Variants in COL21A1 observed in about 807,000 individuals in gnomAD.
COL21A1 encodes collagen alpha-1(XXI) chain.
COL21A1 carries 149 observed loss-of-function variants against 137.9 expected under a neutral mutation model. That is an observed-to-expected ratio of 1.08 (90% confidence interval 0.95 to 1.24). The LOEUF is 1.24. Ranked by LOEUF, COL21A1 falls within the 50% of genes most tolerant of loss-of-function variation. The pLI is 0.00. For missense variants in COL21A1, 1,167 were observed against 1,158.4 expected, an observed-to-expected ratio of 1.01 and a Z score of -0.11; for synonymous variants, 456 against 391.5, an observed-to-expected ratio of 1.16 and a Z score of -1.95.
chr6:56,065,736 A>G lies in COL21A1; in HGVS notation c.2128-1114T>C, dbSNP rs151264035. On this transcript the variant is annotated intron_variant, in intron 23 of 29. Transcript: ENST00000244728. The stretch of plus-strand genomic sequence containing the variant: ...TTGGATAAGAATGGGTGGAGTGGCA[A>G]GAGATAACACTAAAAAAGATTCAGT... Among the ~76,000 whole-genome samples, 4 of 152,082 alleles carry G rather than the reference A, an allele frequency of 2.6e-5. No individual in the cohort carries two copies. The East Asian group carries it at 7.8e-4, about 30-fold the overall frequency.
At chr6:56,282,385 A>G (rs1488845771) in intron 1 of COL21A1, among the ~76,000 whole-genome samples, 2 of 152,234 alleles carry the variant, frequency 1.3e-5, no homozygotes, top group East Asian at 3.8e-4. Context: ...ATAATAACAA[A>G]AAATAATTTT....
At chr6:56,113,478 C>T (rs1326942824) in intron 16 of COL21A1, among the ~76,000 whole-genome samples, 3 of 152,186 alleles carry the variant, frequency 2.0e-5, no homozygotes, top group African/African-American at 7.2e-5. Context: ...AGTAAACCCA[C>T]TGCCTTGAAG....
In COL21A1 at chr6:56,308,001, C is replaced by A. The variant is rs78608351; in HGVS notation, c.-39+85970G>T. Among the ~76,000 whole-genome samples the A allele has an allele frequency of 3.1e-3, 473 of 152,280 alleles. 4 individuals carry two copies. Among genetic ancestry groups the A allele is most frequent in the African/African-American group, 0.011 (442 of 41,550 alleles). On this transcript the variant is annotated intron_variant, in intron 1 of 28. Coordinates refer to the COL21A1 transcript ENST00000370819. ...ATAAATACAATGAGATGCTGTTAAT[C>A]CTTTAAAAAGAAGGAAATTCTGCAA...
chr6:56,117,553 A>T (rs1038613104), intron 16 of COL21A1, among the ~76,000 whole-genome samples: 1 of 152,064 alleles, frequency 6.6e-6, no homozygotes, highest in Non-Finnish European at 1.5e-5. Context: ...ACAAAGAAAC[A>T]TTAGACTTAA....
At chr6:56,383,869 G>C (rs891290312) in intron 1 of COL21A1, among the ~76,000 whole-genome samples, 3 of 152,192 alleles carry the variant, frequency 2.0e-5, no homozygotes, top group Non-Finnish European at 1.5e-5. Flanking sequence ...AGATATTTGA[G>C]GGTGAGGGAT....
intron 1 of COL21A1, among the ~76,000 whole-genome samples, chr6:56,257,172 C>T (rs185647181): frequency 2.6e-5 from 4 of 152,144 alleles, no homozygotes; most frequent in Admixed American, 1.3e-4. Flanking sequence ...TCTTATTCCC[C>T]CAGAAAATTC....
intron 1 of COL21A1, among the ~76,000 whole-genome samples, chr6:56,245,957 G>A (rs992151700): frequency 6.6e-6 from 1 of 152,212 alleles, no homozygotes; most frequent in Non-Finnish European, 1.5e-5. Context: ...TGGGATTGGA[G>A]TCATGCCTAT....
chr6:56,304,224 T>G (rs1224780197), intron 1 of COL21A1, among the ~76,000 whole-genome samples: 3 of 152,168 alleles, frequency 2.0e-5, no homozygotes, highest in South Asian at 2.1e-4. Context: ...CCAGCTTTGG[T>G]ATCAGGATGA....
At chr6:56,061,802 A>C in intron 24 of COL21A1, 121 bp from the exon 25 acceptor site, 1 of 606,352 alleles carries the variant, frequency 1.6e-6, no homozygotes, top group South Asian at 3.2e-5. Context: ...TATTGATAGC[A>C]TTAGTGACAG....
At chr6:56,197,374 T>C (rs1779090917) in intron 1 of COL21A1, among the ~76,000 whole-genome samples, 1 of 152,086 alleles carries the variant, frequency 6.6e-6, no homozygotes, top group African/African-American at 2.4e-5. Flanking sequence ...TACATCAAAC[T>C]AATAAGTTTA....
intron 17 of COL21A1, among the ~76,000 whole-genome samples, chr6:56,098,392 A>G (rs560849221): frequency 4.5e-4 from 4 of 8,798 alleles, no homozygotes; most frequent in East Asian, 6.3e-3. Context: ...TAAATATATA[A>G]ATATATATAT....
intron 17 of COL21A1, chr6:56,077,947 C>T (rs186567874): frequency 2.5e-5 from 10 of 393,782 alleles, no homozygotes; most frequent in Non-Finnish European, 4.4e-5. Context: ...TGATTTAGCG[C>T]AACAGTTCCA....
chr6:56,338,291 C>A (rs183817555), intron 1 of COL21A1, among the ~76,000 whole-genome samples: 117 of 152,194 alleles, frequency 7.7e-4, no homozygotes, highest in Non-Finnish European at 1.2e-3. Context: ...TCTCTTCCAG[C>A]GCTTTGGAGA....
At chr6:56,386,967 G>T (rs1298915881) in intron 1 of COL21A1, among the ~76,000 whole-genome samples, 1 of 152,210 alleles carries the variant, frequency 6.6e-6, no homozygotes, top group Non-Finnish European at 1.5e-5. Context: ...AAATGAAAGG[G>T]TTAGGCCAGA....
At chr6:56,198,478 A>G (rs972328) in intron 1 of COL21A1, among the ~76,000 whole-genome samples, 2,514 of 152,200 alleles carry the variant, frequency 0.017, 27 homozygotes, top group Non-Finnish European at 0.027. Context: ...AACCTAAAAT[A>G]TATACAATTT....
intron 1 of COL21A1, among the ~76,000 whole-genome samples, chr6:56,269,629 T>C (rs895678818): frequency 8.4e-6 from 1 of 118,772 alleles, no homozygotes; most frequent in African/African-American, 3.4e-5. Flanking sequence ...CACTCCAGCC[T>C]GGGCGACAGA....
intron 1 of COL21A1, among the ~76,000 whole-genome samples, chr6:56,315,097 A>G (rs1764702284): frequency 6.6e-6 from 1 of 152,268 alleles, no homozygotes; most frequent in Non-Finnish European, 1.5e-5. Flanking sequence ...AGGTAAATAC[A>G]TGAATGTAAA....
chr6:56,130,463 G>A (rs1467981122), intron 12 of COL21A1, among the ~76,000 whole-genome samples: 1 of 151,776 alleles, frequency 6.6e-6, no homozygotes, highest in Non-Finnish European at 1.5e-5. Context: ...GCTGGGTAAT[G>A]AATGTTTAAT....
At chr6:56,117,736 C>T (rs925726743) in intron 16 of COL21A1, among the ~76,000 whole-genome samples, 9 of 151,934 alleles carry the variant, frequency 5.9e-5, no homozygotes, top group Non-Finnish European at 8.8e-5. Context: ...CAAGCATCTT[C>T]TCTGACGATA....
Sources: gnomAD v4.1 joint callset for allele counts (sites outside exome capture counted in the v4.1 genomes callset) on GRCh38, gnomAD v4.1.1 for gene constraint, MANE v1.5 for transcripts, NCBI Gene and HGNC (gene_info 2026-07-23, HGNC 2026-07-21) for gene names.